Variants in LNX1 observed in about 807,000 individuals in gnomAD.
LNX1 encodes ligand of numb-protein X 1, also known as E3 ubiquitin-protein ligase LNX.
Under a neutral mutation model 68.4 loss-of-function variants are expected in LNX1, and 54 were observed. The observed-to-expected ratio is 0.79, with a 90% confidence interval of 0.63 to 0.99. LNX1 has a LOEUF of 0.99. Ranked by LOEUF, LNX1 falls within the 50% of genes least tolerant of loss-of-function variation. LNX1 has a pLI of 0.00. For missense variants in LNX1, 906 were observed against 926.4 expected, an observed-to-expected ratio of 0.98 and a Z score of 0.29; for synonymous variants, 336 against 350.0, an observed-to-expected ratio of 0.96 and a Z score of 0.45.
chr4:53,545,625 AATGTTCCAG>A (rs1729055713), intron 2 of LNX1, among the ~76,000 whole-genome samples: 1 of 152,088 alleles, frequency 6.6e-6, no homozygotes. Flanking sequence ...GTGCACTTAA[AATGTTCCAG>A]GCATCTAATG....
chr4:53,621,344 A>C (rs1733873574), upstream of LNX1, among the ~76,000 whole-genome samples: 2 of 152,182 alleles, frequency 1.3e-5, no homozygotes, highest in African/African-American at 4.8e-5. Context: ...CATCACGCTC[A>C]CTGTGGGGTT....
At chr4:53,627,797 C>T (rs10006267) in intron 1 of LNX1, among the ~76,000 whole-genome samples, 53,502 of 151,954 alleles carry the variant, frequency 0.35, 10,110 homozygotes, top group East Asian at 0.58. Flanking sequence ...TCCTAAAAGA[C>T]GGTCTAGAAG....
intron 2 of LNX1, among the ~76,000 whole-genome samples, chr4:53,562,075 G>A (rs1390887388): frequency 2.0e-5 from 3 of 152,152 alleles, no homozygotes; most frequent in Non-Finnish European, 4.4e-5. Context: ...TTCATTCAGG[G>A]CCTGACCTAT....
chr4:53,594,868 T>C (rs1732683015), upstream of LNX1, among the ~76,000 whole-genome samples: 2 of 151,648 alleles, frequency 1.3e-5, no homozygotes, highest in Admixed American at 6.6e-5. Context: ...CGTGCCACCA[T>C]GCCCTGCTAG....
intron 2 of LNX1, among the ~76,000 whole-genome samples, chr4:53,543,828 G>A (rs1466628859): frequency 9.2e-5 from 14 of 151,728 alleles, no homozygotes; most frequent in Non-Finnish European, 2.1e-4. Flanking sequence ...AAGAAACTGG[G>A]AAAGAAAAAA....
At chr4:53,602,891 C>A (rs1468093461) in intron 2 of LNX1, 1 of 152,174 alleles carries the variant, frequency 6.6e-6, no homozygotes, top group African/African-American at 2.4e-5. Context: ...AAAAATTCTT[C>A]TGTTTTCAAG....
At chr4:53,640,318 G>A (rs1472767787) in intron 1 of LNX1, among the ~76,000 whole-genome samples, 1 of 152,230 alleles carries the variant, frequency 6.6e-6, no homozygotes, top group Admixed American at 6.5e-5. Context: ...CAATGATAGA[G>A]AAGTCTTTCT....
chr4:53,542,210 A>G (rs2109663394), intron 2 of LNX1, among the ~76,000 whole-genome samples: 1 of 152,322 alleles, frequency 6.6e-6, no homozygotes, highest in African/African-American at 2.4e-5. Context: ...CTATTAGGAA[A>G]GTAAAATTGA....
chr4:53,497,732 T>C (rs1579413296), intron 5 of LNX1, among the ~76,000 whole-genome samples: 1 of 152,366 alleles, frequency 6.6e-6, no homozygotes, highest in East Asian at 1.9e-4. Context: ...CTGATTGTAC[T>C]GCGGCCTGCC....
In LNX1 at chr4:53,522,227, C is replaced by T. The variant is rs374937759; in HGVS notation, c.381-14000G>A. Among the ~76,000 whole-genome samples the T allele has an allele frequency of 2.6e-5, 4 of 152,312 alleles. No homozygotes were observed. In the South Asian group the frequency reaches 8.3e-4, roughly 32 times the overall value. Reference sequence around the variant, plus strand: ...CACAGGTCTTTGTCCAATCTGGCTTCCCACCTGGAGTGGCCACCACTCAAA... The same window carrying T: ...CACAGGTCTTTGTCCAATCTGGCTTTCCACCTGGAGTGGCCACCACTCAAA... On this transcript the variant is annotated intron_variant, in intron 2 of 10. Coordinates refer to ENST00000263925, the MANE Select transcript of LNX1 (RefSeq NM_001126328.3).
chr4:53,461,415 T>C lies in LNX1; in HGVS notation c.2051+20A>G. On this transcript the variant is annotated intron_variant, in intron 10 of 10. Coordinates refer to ENST00000263925, the MANE Select transcript of LNX1 (RefSeq NM_001126328.3). ...AAACAACATTTAATACAAGTATTTT[T>C]GATTAGTCATTATTATTACCTAATT... is the stretch of plus-strand genomic sequence containing the variant. The C allele has an allele frequency of 6.4e-7, 1 of 1,560,712 alleles. No individual in the cohort carries two copies. The highest frequency in any genetic ancestry group is 1.7e-4 in the Middle Eastern group (1 of 5,830).
rs1456470452 is a variant in LNX1, at chr4:53,460,251, AAAG to A, written c.*653_*655del. On this transcript the variant is annotated 3_prime_UTR_variant, in exon 11 of 11. Transcript: ENST00000263925. ...TACAGTTACTAACGATTGTGGAAAA[AAAG>A]AGCTTTAGCCATTTCTTACTAAAAA... 3 of 193,312 alleles carry A rather than the reference AAAG, an allele frequency of 1.6e-5. No individual in the cohort carries two copies. The highest frequency in any genetic ancestry group is 2.3e-5 in the African/African-American group (1 of 43,244). 12.0% of individuals were successfully genotyped at this position (193,312 alleles called of 1,614,324 possible). A position where few individuals can be genotyped will look rare whatever the true frequency, so the allele number is the denominator to read the frequency against.
chr4:53,632,141 C>T (rs1214855045), intron 1 of LNX1, among the ~76,000 whole-genome samples: 3 of 152,114 alleles, frequency 2.0e-5, no homozygotes, highest in Admixed American at 6.5e-5. Flanking sequence ...ATGAGGAGAC[C>T]TCCCCCAGCA....
intron 1 of LNX1, among the ~76,000 whole-genome samples, chr4:53,581,608 G>T (rs1311667350): frequency 2.6e-5 from 4 of 152,178 alleles, no homozygotes; most frequent in Admixed American, 2.6e-4. Flanking sequence ...TGGCAGGCGA[G>T]AGAACATGTG....
chr4:53,551,013 T>C (rs1253892651), intron 2 of LNX1, among the ~76,000 whole-genome samples: 1 of 152,206 alleles, frequency 6.6e-6, no homozygotes, highest in Non-Finnish European at 1.5e-5. Context: ...TCTTGTTGCA[T>C]GAAGTCTGTG....
Position 53,508,045 on chromosome 4 carries a change from G to T in LNX1, c.563C>A (p.Ala188Glu). The T allele has an allele frequency of 1.2e-6, 2 of 1,614,120 alleles. No individual in the cohort carries two copies. The highest frequency in any genetic ancestry group is 1.7e-6 in the Non-Finnish European group (2 of 1,180,000). The change falls in exon 3 of 11, where the codon GCA (alanine) becomes GAA (glutamate). Residue 188 changes from alanine (A) to glutamate (E), a missense_variant. Ala to Glu is a moderately radical substitution (Grantham distance 107). Transcript: ENST00000263925. ...GLDNPAYVSS[A>E]EDGQPAISPV... ...GCTGATTGCTGGCTGCCCGTCCTCT[G>T]CCGAGGACACGTAGGCAGGGTTGTC... is the stretch of plus-strand genomic sequence containing the variant.
chr4:53,511,333 G>A lies in LNX1; in HGVS notation c.381-3106C>T, dbSNP rs151287413. On this transcript the variant is annotated intron_variant, in intron 2 of 10. Transcript: ENST00000263925. ...TACAAGCATTAAAGATGGAAGAAGC[G>A]GGGAAGAGCTGATTAGCATTGGCCA... is the stretch of plus-strand genomic sequence containing the variant. 4.2e-3 allele frequency among the ~76,000 whole-genome samples: 640 copies of A among 152,268 alleles called. 8 individuals are homozygous for A. Among genetic ancestry groups the A allele is most frequent in the African/African-American group, 0.014 (587 of 41,540 alleles).
At chr4:53,520,292 T>A (rs771904033) in intron 2 of LNX1, among the ~76,000 whole-genome samples, 1 of 152,204 alleles carries the variant, frequency 6.6e-6, no homozygotes, top group Non-Finnish European at 1.5e-5. Flanking sequence ...CCTGAGCTGA[T>A]AGCCTGGAGT....
intron 2 of LNX1, among the ~76,000 whole-genome samples, chr4:53,570,521 G>T (rs111261370): frequency 0.19 from 21,146 of 111,990 alleles, 1,671 homozygotes; most frequent in South Asian, 0.27. Context: ...TTGTGGGGTG[G>T]GGGGAGGGGG....
Sources: gnomAD v4.1 joint callset for allele counts (sites outside exome capture counted in the v4.1 genomes callset) on GRCh38, gnomAD v4.1.1 for gene constraint, MANE v1.5 for transcripts, NCBI Gene and HGNC (gene_info 2026-07-23, HGNC 2026-07-21) for gene names.